CC2D2A: variants seen among roughly 807,000 people sequenced by gnomAD.
The protein encoded by CC2D2A is coiled-coil and C2 domain containing 2A.
In CC2D2A, 155 loss-of-function variants were observed where a neutral mutation model predicts 212.9. The observed-to-expected ratio is 0.73, with a 90% CI of 0.64 to 0.83. The LOEUF (loss-of-function observed/expected upper bound fraction) is 0.83. Ranked by LOEUF, CC2D2A falls within the 40% of genes least tolerant of loss-of-function variation. CC2D2A has a pLI of 0.00. For synonymous variants in CC2D2A, 667 were observed against 686.5 expected (o/e 0.97, Z 0.44); for missense variants, 1,856 against 1,956.2 (o/e 0.95, Z 0.97).
intron 19 of CC2D2A, among the ~76,000 whole-genome samples, chr4:15,554,437 C>A (rs547242766): frequency 2.8e-4 from 43 of 152,256 alleles, no homozygotes; most frequent in African/African-American, 1.0e-3. Context: ...TTTTGGGAGG[C>A]CGAGGCAGGC....
chr4:15,553,428 G>T, intron 19 of CC2D2A, 123 bp downstream of exon 19: 1 of 1,168,102 alleles, frequency 8.6e-7, no homozygotes, highest in South Asian at 1.5e-5. Flanking sequence ...GTATTTTCAA[G>T]AGTTTTTTAT....
At chr4:15,572,900 A>G (rs963191912) in intron 28 of CC2D2A, among the ~76,000 whole-genome samples, 1 of 152,102 alleles carries the variant, frequency 6.6e-6, no homozygotes, top group African/African-American at 2.4e-5. Context: ...AGAGTCCAAA[A>G]ACTGAAGAAC....
chr4:15,568,385 G>A (rs963153864), intron 26 of CC2D2A, among the ~76,000 whole-genome samples: 36 of 152,212 alleles, frequency 2.4e-4, no homozygotes, highest in African/African-American at 7.5e-4. Context: ...AAGTCAGGCC[G>A]AGCATGGTGG....
chr4:15,554,145 G>A (rs1719149596), intron 19 of CC2D2A, among the ~76,000 whole-genome samples: 1 of 152,222 alleles, frequency 6.6e-6, no homozygotes, highest in Non-Finnish European at 1.5e-5. Context: ...ACTTCCAGTG[G>A]AGGCCTGACT....
intron 17 of CC2D2A, among the ~76,000 whole-genome samples, chr4:15,549,664 G>A (rs6844272): frequency 0.041 from 6,199 of 152,250 alleles, 412 homozygotes; most frequent in African/African-American, 0.14. Context: ...TTAGCCAGGC[G>A]TGGTGGTGGG....
intron 14 of CC2D2A, among the ~76,000 whole-genome samples, chr4:15,535,080 T>C (rs1718055552): frequency 6.6e-6 from 1 of 152,198 alleles, no homozygotes; most frequent in Non-Finnish European, 1.5e-5. Flanking sequence ...ATTGCCATTG[T>C]ATATTTGGTC....
In CC2D2A at chr4:15,597,434, G is replaced by A. The variant is rs1338289178; in HGVS notation, c.4465G>A (p.Asp1489Asn). ...TGAAGAGCTAATTTACCAGCGCTCAGACAAAGCAGCTGCAGCTGAGCTACA... is the reference window on the plus strand; with the variant it reads ...TGAAGAGCTAATTTACCAGCGCTCAAACAAAGCAGCTGCAGCTGAGCTACA... The part of the protein sequence containing the change: ...QPEELIYQRS[D>N]KAAAAELQDR... Residue 1489 changes from aspartate to asparagine, a missense_variant, in exon 35 of 37, where the codon GAC becomes AAC. By Grantham distance (23) the Asp-to-Asn change is conservative (BLOSUM62 1). Coordinates refer to ENST00000424120, the MANE Select transcript of CC2D2A (RefSeq NM_001378615.1). 5 of 1,553,144 alleles carry A rather than the reference G, an allele frequency of 3.2e-6. No homozygotes were observed. Among genetic ancestry groups the A allele is most frequent in the Non-Finnish European group, 4.4e-6 (5 of 1,147,646 alleles).
chr4:15,488,617 T>G (rs1457342224), intron 4 of CC2D2A, among the ~76,000 whole-genome samples: 1 of 152,238 alleles, frequency 6.6e-6, no homozygotes, highest in East Asian at 1.9e-4. Context: ...GGATCCACGT[T>G]TGATTACTCC....
chr4:15,560,123 C>T (rs958871548), intron 22 of CC2D2A, among the ~76,000 whole-genome samples: 7 of 152,086 alleles, frequency 4.6e-5, no homozygotes, highest in South Asian at 2.1e-4. Context: ...TGAGCCACCG[C>T]GCCCAGCCAG....
chr4:15,517,011 G>A lies in CC2D2A; in HGVS notation c.1149+255G>A, dbSNP rs560882066. Reference sequence around the variant, plus strand: ...CGCCCAGGTTGGAGTGCAGTGGCGCGATCTCGGCTCACTGCAGGCTCCGCC... The same window carrying A: ...CGCCCAGGTTGGAGTGCAGTGGCGCAATCTCGGCTCACTGCAGGCTCCGCC... On this transcript the variant is annotated intron_variant, in intron 11 of 36. Transcript: ENST00000424120. Among the ~76,000 whole-genome samples, 844 of 135,572 alleles carry A rather than the reference G, an allele frequency of 6.2e-3. 6 individuals are homozygous for A. The highest frequency in any genetic ancestry group is 0.022 in the African/African-American group (786 of 36,234). The allele number at this position is 135,572 out of a possible 152,430, so 88.9% of individuals were successfully genotyped here.
intron 4 of CC2D2A, among the ~76,000 whole-genome samples, chr4:15,484,551 T>C (rs569073660): frequency 6.6e-6 from 1 of 152,160 alleles, no homozygotes; most frequent in Non-Finnish European, 1.5e-5. Context: ...GTGGGAGTTA[T>C]TGGGGAATGG....
At position 15,489,363 on chromosome 4, in the gene CC2D2A, G is replaced by A. The variant is rs540263279; in HGVS notation, c.247+8536G>A. ...GGGGTTACCTTAGTGCCCACCAGCT[G>A]GAGAATGGGATGAACATTCTAGTCC... is the stretch of plus-strand genomic sequence containing the variant. On this transcript the variant is annotated intron_variant, in intron 4 of 36. Coordinates refer to ENST00000424120, the MANE Select transcript of CC2D2A (RefSeq NM_001378615.1). Among the ~76,000 whole-genome samples, 153 of 152,252 alleles carry A rather than the reference G, an allele frequency of 1.0e-3. 1 individual carries two copies. The highest frequency in any genetic ancestry group is 3.6e-3 in the African/African-American group (151 of 41,536).
At chr4:15,556,069 C>T (rs1164259570) in intron 20 of CC2D2A, among the ~76,000 whole-genome samples, 1 of 152,194 alleles carries the variant, frequency 6.6e-6, no homozygotes, top group Non-Finnish European at 1.5e-5. Context: ...ATAAATTGCT[C>T]AGATCTACCA....
chr4:15,538,278 GA>G, intron 16 of CC2D2A, 141 bp downstream of exon 16: 1 of 952,440 alleles, frequency 1.0e-6, no homozygotes, highest in Non-Finnish European at 1.5e-6. Flanking sequence ...AACTCTAAAT[GA>G]ATATTAGGTT....
chr4:15,569,240 A>T (rs1346495046), intron 26 of CC2D2A, 53 bp from the exon 27 acceptor site: 3 of 985,550 alleles, frequency 3.0e-6, no homozygotes, highest in African/African-American at 3.2e-5. Context: ...TTGAATGCTC[A>T]TAATTTCTAT....
chr4:15,539,716 A>G (rs1183794304), intron 16 of CC2D2A, among the ~76,000 whole-genome samples: 1 of 152,220 alleles, frequency 6.6e-6, no homozygotes, highest in East Asian at 1.9e-4. Flanking sequence ...TTTGACATGA[A>G]TGTTCAAAAT....
At chr4:15,581,180 G>C (rs1720645965) in intron 30 of CC2D2A, among the ~76,000 whole-genome samples, 2 of 152,068 alleles carry the variant, frequency 1.3e-5, no homozygotes, top group African/African-American at 4.8e-5. Flanking sequence ...TGTAGATATA[G>C]ATGTATCAAA....
chr4:15,528,775 C>T, intron 13 of CC2D2A, 49 bp downstream of exon 13: 2 of 1,304,152 alleles, frequency 1.5e-6, no homozygotes, highest in Admixed American at 4.0e-5. Flanking sequence ...GTTAGATGTG[C>T]ACTTGTTAGA....
intron 2 of CC2D2A, among the ~76,000 whole-genome samples, chr4:15,476,874 C>T (rs533502835): frequency 6.6e-6 from 1 of 152,208 alleles, no homozygotes; most frequent in African/African-American, 2.4e-5. Flanking sequence ...GTATTCCTCT[C>T]AATCCTTACT....
Sources: allele counts gnomAD v4.1 joint callset (sites outside exome capture counted in the v4.1 genomes callset), GRCh38; gene constraint gnomAD v4.1.1; transcripts MANE v1.5; gene names NCBI Gene and HGNC (gene_info 2026-07-23, HGNC 2026-07-21).